The following ASB18 variants were observed in gnomAD, a reference collection of about 807,000 sequenced individuals.
ASB18 encodes ankyrin repeat and SOCS box containing 18.
In ASB18, 33 loss-of-function variants were observed where a neutral mutation model predicts 33.4. The observed-to-expected ratio is 0.99, with a 90% CI of 0.75 to 1.32. The LOEUF (loss-of-function observed/expected upper bound fraction) is 1.32. Among genes scored for constraint, ASB18 ranks in the 40% most tolerant of loss-of-function variants. The pLI is 0.00. For synonymous variants in ASB18, 295 were observed against 307.6 expected (o/e 0.96, Z 0.43); for missense variants, 694 against 655.5 (o/e 1.06, Z -0.64).
chr2:236,264,112 C>T lies in ASB18; in HGVS notation c.205+29G>A. 1 of 1,605,718 alleles carries T rather than the reference C, an allele frequency of 6.2e-7. No homozygotes were observed. The highest frequency in any genetic ancestry group is 8.5e-7 in the Non-Finnish European group (1 of 1,174,442). ...CATCAGTGTAACTTAGTAATTAAATCCCAGATGCAGCAGGCTCGTTCTGGT... is the reference window on the plus strand; with the variant it reads ...CATCAGTGTAACTTAGTAATTAAATTCCAGATGCAGCAGGCTCGTTCTGGT... On this transcript the variant is annotated intron_variant, in intron 1 of 5. Transcript: ENST00000409749. The surrounding 1 kb of genome is among the most constrained non-coding windows in gnomAD (Gnocchi z 5.1).
At position 236,257,340 on chromosome 2, in the gene ASB18, G is replaced by A. The variant is rs1175856307; in HGVS notation, c.205+6801C>T. Among the ~76,000 whole-genome samples the A allele has an allele frequency of 6.6e-6, 1 of 152,196 alleles. No homozygotes were observed. Among genetic ancestry groups the A allele is most frequent in the African/African-American group, 2.4e-5 (1 of 41,454 alleles). On this transcript the variant is annotated intron_variant, in intron 1 of 5. Coordinates refer to ENST00000409749, the MANE Select transcript of ASB18 (RefSeq NM_212556.4). This position sits in a 1 kb window ranked among gnomAD's most constrained non-coding sequence, Gnocchi z 5.5. ...GGGTCTCCCTGCCCCCACGCTCTCT[G>A]GTGGAGTGAGCAGTCAAGACAGCAG...
rs954721676 is a variant in ASB18, at chr2:236,193,979, C to T, written c.*893G>A. ...AGCACCCTGCGATGGAATAGCACCCCGTCCAGGCCTGGTTCCTGCCCTGCA... is the reference window on the plus strand; with the variant it reads ...AGCACCCTGCGATGGAATAGCACCCTGTCCAGGCCTGGTTCCTGCCCTGCA... On this transcript the variant is annotated 3_prime_UTR_variant, in exon 6 of 6. Transcript: ENST00000409749. This position sits in a 1 kb window ranked among gnomAD's most constrained non-coding sequence, Gnocchi z 5.0. Among the ~76,000 whole-genome samples, 2 of 152,104 alleles carry T rather than the reference C, an allele frequency of 1.3e-5. No homozygotes were observed. The highest frequency in any genetic ancestry group is 2.9e-5 in the Non-Finnish European group (2 of 68,028).
rs1305461933 is a variant in ASB18 at position 236,195,776 on chromosome 2, A to G, written c.1215+496T>C. 6.6e-6 allele frequency among the ~76,000 whole-genome samples: 1 copy of G among 152,154 alleles called. No individual in the cohort carries two copies. The highest frequency in any genetic ancestry group is 1.5e-5 in the Non-Finnish European group (1 of 68,016). ...AGCGATCTGCCTGCCTTGGCCTCTCAAAGTGCTAGGATTACAGGCATGAGC... is the reference window on the plus strand; with the variant it reads ...AGCGATCTGCCTGCCTTGGCCTCTCGAAGTGCTAGGATTACAGGCATGAGC... On this transcript the variant is annotated intron_variant, in intron 5 of 5. Coordinates refer to ENST00000409749, the MANE Select transcript of ASB18 (RefSeq NM_212556.4). The surrounding 1 kb of genome is among the most constrained non-coding windows in gnomAD (Gnocchi z 5.5).
chr2:236,231,483 G>A lies in ASB18; in HGVS notation c.596+6206C>T, dbSNP rs1235358373. Reference sequence around the variant, plus strand: ...CCATGTGACAATGCAGCAACACAATGCCATCTTGGAAGCAACACAATGCCA... The same window carrying A: ...CCATGTGACAATGCAGCAACACAATACCATCTTGGAAGCAACACAATGCCA... On this transcript the variant is annotated intron_variant, in intron 3 of 5. Transcript: ENST00000409749. The surrounding 1 kb of genome is among the most constrained non-coding windows in gnomAD (Gnocchi z 5.5). 2.6e-5 allele frequency among the ~76,000 whole-genome samples: 4 copies of A among 151,532 alleles called. No individual in the cohort carries two copies. Among genetic ancestry groups the A allele is most frequent in the African/African-American group, 7.3e-5 (3 of 41,242 alleles).
Position 236,256,458 on chromosome 2 carries a change from G to A in ASB18, c.205+7683C>T, listed in dbSNP as rs1020879950. Among the ~76,000 whole-genome samples, 1 of 152,184 alleles carries A rather than the reference G, an allele frequency of 6.6e-6. No individual in the cohort carries two copies. The highest frequency in any genetic ancestry group is 1.5e-5 in the Non-Finnish European group (1 of 68,036). ...GCATTGGATGGGAAGCTAGAATCAG[G>A]CTACAGAGAGCATGCCTGCCATTTC... On this transcript the variant is annotated intron_variant, in intron 1 of 5. Transcript: ENST00000409749. This position sits in a 1 kb window ranked among gnomAD's most constrained non-coding sequence, Gnocchi z 4.7.
At position 236,209,272 on chromosome 2, in the gene ASB18, G is replaced by GC. The variant is rs2060448074; in HGVS notation, c.1101+5089dup. On this transcript the variant is annotated intron_variant, in intron 4 of 5. Coordinates refer to ENST00000409749, the MANE Select transcript of ASB18 (RefSeq NM_212556.4). This position sits in a 1 kb window ranked among gnomAD's most constrained non-coding sequence, Gnocchi z 4.4. ...AGATTTGCAGATGTTTCTAGAATCT[G>GC]CTTTTTTTTTTTTTTTTTAAGACAA... 7.1e-6 allele frequency among the ~76,000 whole-genome samples: 1 copy of GC among 140,850 alleles called. No individual in the cohort carries two copies. Among genetic ancestry groups the GC allele is most frequent in the African/African-American group, 2.7e-5 (1 of 37,548 alleles). 92.4% of individuals were successfully genotyped at this position (140,850 alleles called of 152,430 possible).
In ASB18 at chr2:236,200,217, T is replaced by C. The variant is rs2060393901; in HGVS notation, c.1102-3832A>G. ...CAACAAAATTAGCCAGGCATGGTGG[T>C]GCACATCTGTAGTCCCAGCTCCTCG... On this transcript the variant is annotated intron_variant, in intron 4 of 5. Transcript: ENST00000409749. This position sits in a 1 kb window ranked among gnomAD's most constrained non-coding sequence, Gnocchi z 4.2. Among the ~76,000 whole-genome samples, 1 of 152,048 alleles carries C rather than the reference T, an allele frequency of 6.6e-6. No homozygotes were observed. The highest frequency in any genetic ancestry group is 1.9e-4 in the East Asian group (1 of 5,172).
In ASB18 at chr2:236,222,409, G is replaced by T. The variant is rs2060516941; in HGVS notation, c.597-7543C>A. On this transcript the variant is annotated intron_variant, in intron 3 of 5. Transcript: ENST00000409749. This position sits in a 1 kb window ranked among gnomAD's most constrained non-coding sequence, Gnocchi z 5.5. ...GCTGCCAGCCATCTTATGTTTTTCTGAAGTGTGGGATGATTGCAGTGGATG... is the reference window on the plus strand; with the variant it reads ...GCTGCCAGCCATCTTATGTTTTTCTTAAGTGTGGGATGATTGCAGTGGATG... Among the ~76,000 whole-genome samples, 1 of 152,190 alleles carries T rather than the reference G, an allele frequency of 6.6e-6. No individual in the cohort carries two copies. The highest frequency in any genetic ancestry group is 1.5e-5 in the Non-Finnish European group (1 of 68,032).
chr2:236,210,284 G>A (rs1226780436), intron 4 of ASB18: 3 of 152,224 alleles, frequency 2.0e-5, no homozygotes, highest in African/African-American at 7.2e-5. Flanking sequence ...ATGACTTGGG[G>A]GAAATCCTTC....
Position 236,252,872 on chromosome 2 carries a change from C to T in ASB18, c.205+11269G>A, listed in dbSNP as rs1368210277. 6.6e-6 allele frequency among the ~76,000 whole-genome samples: 1 copy of T among 152,168 alleles called. No homozygotes were observed. The highest frequency in any genetic ancestry group is 1.5e-5 in the Non-Finnish European group (1 of 68,026). On this transcript the variant is annotated intron_variant, in intron 1 of 5. Coordinates refer to ENST00000409749, the MANE Select transcript of ASB18 (RefSeq NM_212556.4). This position sits in a 1 kb window ranked among gnomAD's most constrained non-coding sequence, Gnocchi z 7.9. ...CAGCTGTCAGCTCCTCCATGGTTTGCCTCAGCTGCAGAGCTGCATCACCTA... is the reference window on the plus strand; with the variant it reads ...CAGCTGTCAGCTCCTCCATGGTTTGTCTCAGCTGCAGAGCTGCATCACCTA...
intron 3 of ASB18, among the ~76,000 whole-genome samples, chr2:236,230,588 A>G (rs925027138): frequency 6.6e-6 from 1 of 151,962 alleles, no homozygotes; most frequent in African/African-American, 2.4e-5. Context: ...AAAGGCCAGG[A>G]GGAGAGAAAT....
Position 236,245,583 on chromosome 2 carries a change from G to T in ASB18, c.206-4181C>A, listed in dbSNP as rs916143892. ...CTTATTTTCCCTCCTTGCCTGGCCAGCCTCGCTCATCCTCCAACACAGCTT... is the reference window on the plus strand; with the variant it reads ...CTTATTTTCCCTCCTTGCCTGGCCATCCTCGCTCATCCTCCAACACAGCTT... On this transcript the variant is annotated intron_variant, in intron 1 of 5. Transcript: ENST00000409749. The surrounding 1 kb of genome is among the most constrained non-coding windows in gnomAD (Gnocchi z 4.7). 6.6e-6 allele frequency among the ~76,000 whole-genome samples: 1 copy of T among 152,094 alleles called. No individual in the cohort carries two copies. Among genetic ancestry groups the T allele is most frequent in the Non-Finnish European group, 1.5e-5 (1 of 68,020 alleles).
rs577697767 is a variant in ASB18, at chr2:236,251,528, G to T, written c.206-10126C>A. The stretch of plus-strand genomic sequence containing the variant: ...GAAGTTGGTTTGCTTTGATTGTTCT[G>T]CCCTGTGATCCTTTATATCCCTTCT... On this transcript the variant is annotated intron_variant, in intron 1 of 5. Transcript: ENST00000409749. The surrounding 1 kb of genome is among the most constrained non-coding windows in gnomAD (Gnocchi z 5.3). Among the ~76,000 whole-genome samples, 1 of 152,256 alleles carries T rather than the reference G, an allele frequency of 6.6e-6. No homozygotes were observed. Among genetic ancestry groups the T allele is most frequent in the East Asian group, 1.9e-4 (1 of 5,176 alleles).
At chr2:236,206,912 G>A (rs1186087696) in intron 4 of ASB18, among the ~76,000 whole-genome samples, 2 of 152,234 alleles carry the variant, frequency 1.3e-5, no homozygotes, top group Non-Finnish European at 2.9e-5. Context: ...TTGAGTCAGG[G>A]GCTACCCACT....
rs2060362735 is a variant in ASB18, at chr2:236,194,710, G to A, written c.*162C>T. Among the ~76,000 whole-genome samples the A allele has an allele frequency of 6.6e-6, 1 of 152,206 alleles. No individual in the cohort carries two copies. The highest frequency in any genetic ancestry group is 1.5e-5 in the Non-Finnish European group (1 of 68,040). ...TTTGTTGCCAATTCCATTTCGAGGT[G>A]AACCTGAAGCTTGGCAAGGTCTGTG... On this transcript the variant is annotated 3_prime_UTR_variant, in exon 6 of 6. Coordinates refer to ENST00000409749, the MANE Select transcript of ASB18 (RefSeq NM_212556.4). The surrounding 1 kb of genome is among the most constrained non-coding windows in gnomAD (Gnocchi z 4.5).
intron 1 of ASB18, among the ~76,000 whole-genome samples, chr2:236,243,320 A>T (rs572157965): frequency 7.8e-6 from 1 of 128,000 alleles, no homozygotes; most frequent in South Asian, 2.7e-4. Flanking sequence ...ACAGAGCGAG[A>T]CTCCATCTCA....
rs1173252745 is a variant in ASB18, at chr2:236,241,314, C to G, written c.294G>C (p.Trp98Cys). The G allele has an allele frequency of 6.2e-7, 1 of 1,613,642 alleles. No homozygotes were observed. Among genetic ancestry groups the G allele is most frequent in the Non-Finnish European group, 8.5e-7 (1 of 1,179,716 alleles). Residue 98 changes from tryptophan to cysteine, a missense_variant, in exon 2 of 6, where the codon TGG (tryptophan) becomes TGC (cysteine). Transcript: ENST00000409749. This position sits in a 1 kb window ranked among gnomAD's most constrained non-coding sequence, Gnocchi z 4.2. ...CAAACGTGGCTGGAGATTTCACCTG[C>G]CATTCCATCTCATCCTTATTGATCT... ...VFEINKDEMEWQVKSPATFGL... is the reference protein window; with the variant it reads ...VFEINKDEMECQVKSPATFGL...
In ASB18 at chr2:236,253,507, G is replaced by A. The variant is rs1326629323; in HGVS notation, c.205+10634C>T. Among the ~76,000 whole-genome samples the A allele has an allele frequency of 1.3e-5, 2 of 151,476 alleles. No homozygotes were observed. The highest frequency in any genetic ancestry group is 2.4e-5 in the African/African-American group (1 of 41,086). ...TCCTTCCACCTCAGTCTCCTGAGTC[G>A]CTGGGACTACAGCCACTTGCTGGTT... On this transcript the variant is annotated intron_variant, in intron 1 of 5. Coordinates refer to ENST00000409749, the MANE Select transcript of ASB18 (RefSeq NM_212556.4). This position sits in a 1 kb window ranked among gnomAD's most constrained non-coding sequence, Gnocchi z 5.4.
intron 4 of ASB18, among the ~76,000 whole-genome samples, chr2:236,202,814 T>TATATATATACACAC (rs1472095135): frequency 9.5e-5 from 12 of 126,582 alleles, no homozygotes; most frequent in African/African-American, 3.9e-4. Flanking sequence ...TATATATATA[T>TATATATATACACAC]ACACACACCT....
Sources: gnomAD v4.1 joint callset for allele counts (sites outside exome capture counted in the v4.1 genomes callset) on GRCh38, gnomAD v4.1.1 for gene constraint, Gnocchi (gnomAD v3.1) non-coding constraint, MANE v1.5 for transcripts, NCBI Gene and HGNC (gene_info 2026-07-23, HGNC 2026-07-21) for gene names.